KLHL30: variants seen among roughly 807,000 people sequenced by gnomAD.
KLHL30 encodes kelch like family member 30.
In KLHL30, 55 loss-of-function variants were observed where a neutral mutation model predicts 55.0. The observed-to-expected ratio is 1.00, with a 90% confidence interval of 0.80 to 1.25. The LOEUF (loss-of-function observed/expected upper bound fraction) is 1.25, where lower values mean the gene tolerates loss of function less well. KLHL30 is among the 50% of genes most tolerant of loss of function. The pLI, the probability that KLHL30 is intolerant of heterozygous loss-of-function variation, is 0.00. For synonymous variants in KLHL30, 356 were observed against 372.6 expected, an observed-to-expected ratio of 0.96 and a Z score of 0.51; for missense variants, 786 against 811.6, an observed-to-expected ratio of 0.97 and a Z score of 0.38.
At chr2:238,144,247 G>A (rs1365096954) in intron 3 of KLHL30, among the ~76,000 whole-genome samples, 1 of 152,178 alleles carries the variant, frequency 6.6e-6, no homozygotes, top group African/African-American at 2.4e-5. Flanking sequence ...AGGAAACTGA[G>A]GCTGGGGTTT....
chr2:238,151,009 G>A lies in KLHL30; in HGVS notation c.1681G>A (p.Val561Ile), dbSNP rs1359282424. ...CTGGCTCTACCACGGGGCCTCCACC[G>A]TCTTCCTGGATGTCTCCAAGTGGAC... is the stretch of plus-strand genomic sequence containing the variant. ...RLWLYHGAST[V>I]FLDVSKWTQP... is the part of the protein sequence containing the mutation. Residue 561 changes from valine (V) to isoleucine (I), a missense_variant, in exon 8 of 8, where the codon GTC (valine) becomes ATC (isoleucine). Transcript: ENST00000409223. 39 of 1,591,462 alleles carry A rather than the reference G, an allele frequency of 2.5e-5. No homozygotes were observed. The highest frequency in any genetic ancestry group is 1.1e-4 in the South Asian group (10 of 87,322).
intron 2 of KLHL30, among the ~76,000 whole-genome samples, 171 bp from the exon 3 acceptor site, chr2:238,142,627 CT>C (rs2106311310): frequency 6.6e-6 from 1 of 152,302 alleles, no homozygotes; most frequent in South Asian, 2.1e-4. Context: ...AGGAATGCCC[CT>C]GAAAGGCACA....
intron 7 of KLHL30, among the ~76,000 whole-genome samples, chr2:238,149,382 G>A (rs1692710409): frequency 6.6e-6 from 1 of 151,688 alleles, no homozygotes; most frequent in Non-Finnish European, 1.5e-5. Flanking sequence ...CCCACAGAGG[G>A]CCCACAATGA....
At chr2:238,144,607 T>C (rs1402724972) in intron 3 of KLHL30, among the ~76,000 whole-genome samples, 2 of 152,110 alleles carry the variant, frequency 1.3e-5, no homozygotes, top group Non-Finnish European at 2.9e-5. Context: ...TGGGGTCAAC[T>C]GCAGGGTCAA....
In KLHL30 at chr2:238,140,968, G is replaced by A; in HGVS notation, c.214G>A (p.Ala72Thr). The A allele has an allele frequency of 1.2e-6, 2 of 1,612,300 alleles. No individual in the cohort carries two copies. The highest frequency in any genetic ancestry group is 1.7e-5 in the Admixed American group (1 of 60,018). The stretch of plus-strand genomic sequence containing the variant: ...GGGTGACTTCGCCGAGAGCTTCTCT[G>A]CGCGCGTGGAGCTGCGGGACGTGGA... Reference protein sequence around the residue: ...FAGDFAESFSARVELRDVEPA... With the variant: ...FAGDFAESFSTRVELRDVEPA... The change falls in exon 2 of 8, where the codon GCG becomes ACG. Residue 72 changes from alanine to threonine, a missense_variant. By Grantham distance (58) the Ala-to-Thr change is moderately conservative. Transcript: ENST00000409223.
In KLHL30 at chr2:238,144,877, C is replaced by G. The variant is rs961204241; in HGVS notation, c.908-25C>G. ...CCAGCAGGGAGCCTGGCAGCCTGAC[C>G]CTTCTGCCTCTCTCTTCCTGCCAGA... On this transcript the variant is annotated intron_variant, in intron 3 of 7. Transcript: ENST00000409223. 31 of 1,575,532 alleles carry G rather than the reference C, an allele frequency of 2.0e-5. No homozygotes were observed. In the Middle Eastern group the frequency reaches 8.3e-4, roughly 42 times the overall value.
chr2:238,151,056 G>C lies in KLHL30; in HGVS notation c.1728G>C (p.Gln576His), dbSNP rs1479241370. ...SKWTQPSGPT[Q>H]EH is the part of the protein sequence containing the mutation. ...GGACCCAGCCCTCCGGCCCCACCCA[G>C]GAGCACTAAACCAGGGCCAGGGTCC... Residue 576 changes from glutamine (Q) to histidine (H), a missense_variant, in exon 8 of 8, where the codon CAG becomes CAC. Coordinates refer to ENST00000409223, the MANE Select transcript of KLHL30 (RefSeq NM_198582.4). 1 of 1,592,076 alleles carries C rather than the reference G, an allele frequency of 6.3e-7. No homozygotes were observed. The highest frequency in any genetic ancestry group is 8.5e-7 in the Non-Finnish European group (1 of 1,170,136).
rs1471510389 is a variant in KLHL30 at position 238,151,241 on chromosome 2, G to C, written c.*176G>C. On this transcript the variant is annotated 3_prime_UTR_variant, in exon 8 of 8. Coordinates refer to ENST00000409223, the MANE Select transcript of KLHL30 (RefSeq NM_198582.4). ...CTTGGAGGACACAGCCTTGGTCTCT[G>C]TGGCCACCACACTAAACTCTGAGCT... is the stretch of plus-strand genomic sequence containing the variant. 1 of 865,894 alleles carries C rather than the reference G, an allele frequency of 1.2e-6. No individual in the cohort carries two copies. Among genetic ancestry groups the C allele is most frequent in the Non-Finnish European group, 1.7e-6 (1 of 577,738 alleles). 53.6% of individuals were successfully genotyped at this position (865,894 alleles called of 1,614,324 possible). A position where few individuals can be genotyped will look rare whatever the true frequency, so the allele number is the denominator to read the frequency against.
In KLHL30 at chr2:238,142,889, A is replaced by T. The variant is rs759164196; in HGVS notation, c.865A>T (p.Thr289Ser). The change falls in exon 3 of 8, where the codon ACC becomes TCC. Residue 289 changes from threonine to serine, a missense_variant. Transcript: ENST00000409223. Reference sequence around the variant, plus strand: ...GGAGGAGGAGGCAGGTGAGGAGCCCACCCCCGGCCTTGGGAACTTTGCCTT... The same window carrying T: ...GGAGGAGGAGGCAGGTGAGGAGCCCTCCCCCGGCCTTGGGAACTTTGCCTT... ...LEEEEAGEEP[T>S]PGLGNFAFYN... 6.7e-7 allele frequency: 1 copy of T among 1,488,592 alleles called. No homozygotes were observed. The highest frequency in any genetic ancestry group is 2.8e-5 in the Admixed American group (1 of 35,160). The allele number at this position is 1,488,592 out of a possible 1,614,324, so 92.2% of individuals were successfully genotyped here. A position where few individuals can be genotyped will look rare whatever the true frequency, so the allele number is the denominator to read the frequency against.
intron 3 of KLHL30, among the ~76,000 whole-genome samples, chr2:238,143,243 C>T (rs1222344924): frequency 2.0e-5 from 3 of 152,234 alleles, no homozygotes; most frequent in African/African-American, 7.2e-5. Flanking sequence ...GTGGGGTGGG[C>T]GGCCTGGCCG....
At chr2:238,142,678 C>A in intron 2 of KLHL30, 121 bp from the exon 3 acceptor site, 1 of 1,005,948 alleles carries the variant, frequency 9.9e-7, no homozygotes, top group Non-Finnish European at 1.3e-6. Flanking sequence ...CGGGCACACG[C>A]CATCTCCAGC....
At chr2:238,145,610 T>C in intron 4 of KLHL30, 67 bp from the exon 5 acceptor site, 2 of 1,523,662 alleles carry the variant, frequency 1.3e-6, no homozygotes, top group Non-Finnish European at 1.8e-6. Flanking sequence ...TGGACATTGG[T>C]ATCCACACCC....
At position 238,141,539 on chromosome 2, in the gene KLHL30, G is replaced by A. The variant is rs574282407; in HGVS notation, c.774+11G>A. The A allele has an allele frequency of 4.9e-5, 71 of 1,435,474 alleles. 1 individual carries two copies. In the South Asian group the frequency reaches 7.2e-4, roughly 15 times the overall value. The allele number at this position is 1,435,474 out of a possible 1,614,324, so 88.9% of individuals were successfully genotyped here. A position where few individuals can be genotyped will look rare whatever the true frequency, so the allele number is the denominator to read the frequency against. The stretch of plus-strand genomic sequence containing the variant: ...CAGGGCCATGATGGGGTGAGTGAGC[G>A]GCTGGGAGGCCCCATCCCTGGGAAG... On this transcript the variant is annotated intron_variant, in intron 2 of 7. Coordinates refer to ENST00000409223, the MANE Select transcript of KLHL30 (RefSeq NM_198582.4).
rs1692769045 is a variant in KLHL30 at position 238,152,222 on chromosome 2, G to C, written c.*1157G>C. On this transcript the variant is annotated 3_prime_UTR_variant, in exon 8 of 8. Transcript: ENST00000409223. ...GCTTCCTCTCCAGGACCAGCCCCTG[G>C]GTTCCTCCTTAACACCCCCCGCCCC... 1.0e-6 allele frequency: 1 copy of C among 985,544 alleles called. No individual in the cohort carries two copies. 61.0% of individuals were successfully genotyped at this position (985,544 alleles called of 1,614,324 possible).
rs1011834699 is a variant in KLHL30 at position 238,152,130 on chromosome 2, C to T, written c.*1065C>T. On this transcript the variant is annotated 3_prime_UTR_variant, in exon 8 of 8. Coordinates refer to ENST00000409223, the MANE Select transcript of KLHL30 (RefSeq NM_198582.4). Reference sequence around the variant, plus strand: ...GGGGCTAGAAGTCAGGAGTCGGGCCCGGCCAGGCACAGGCCCTGGTGTTGC... The same window carrying T: ...GGGGCTAGAAGTCAGGAGTCGGGCCTGGCCAGGCACAGGCCCTGGTGTTGC... The T allele has an allele frequency of 3.0e-5, 30 of 985,354 alleles. No homozygotes were observed. Among genetic ancestry groups the T allele is most frequent in the African/African-American group, 1.2e-4 (7 of 57,230 alleles). The allele number at this position is 985,354 out of a possible 1,614,324, so 61.0% of individuals were successfully genotyped here. A position where few individuals can be genotyped will look rare whatever the true frequency, so the allele number is the denominator to read the frequency against.
chr2:238,145,445 AGCTTCT>A (rs1692629805), intron 4 of KLHL30, among the ~76,000 whole-genome samples: 1 of 152,160 alleles, frequency 6.6e-6, no homozygotes, highest in East Asian at 1.9e-4. Context: ...GGAGGGGATA[AGCTTCT>A]GCTGATGGGG....
intron 5 of KLHL30, among the ~76,000 whole-genome samples, chr2:238,146,234 G>T (rs760005935): frequency 6.6e-6 from 1 of 151,800 alleles, no homozygotes; most frequent in South Asian, 2.1e-4. Flanking sequence ...ACAAAATGTG[G>T]CCGGGTGTGG....
intron 4 of KLHL30, among the ~76,000 whole-genome samples, chr2:238,145,435 G>A (rs1374395702): frequency 6.6e-6 from 1 of 152,202 alleles, no homozygotes; most frequent in Non-Finnish European, 1.5e-5. Context: ...GTAAGATTTG[G>A]GAGGGGATAA....
At chr2:238,150,464 G>T (rs1481321365) in intron 7 of KLHL30, among the ~76,000 whole-genome samples, 1 of 76,976 alleles carries the variant, frequency 1.3e-5, no homozygotes, top group African/African-American at 3.6e-5. Context: ...TTGTCTGCCA[G>T]GGCTGAGCCA....
Sources: gnomAD v4.1 joint callset for allele counts (sites outside exome capture counted in the v4.1 genomes callset) on GRCh38, gnomAD v4.1.1 for gene constraint, MANE v1.5 for transcripts, NCBI Gene and HGNC (gene_info 2026-07-23, HGNC 2026-07-21) for gene names.